FRMD4A: variants seen among roughly 807,000 people sequenced by gnomAD.
FRMD4A encodes the protein FERM domain containing 4A.
A neutral mutation model predicts 129.1 loss-of-function variants in FRMD4A; 29 were observed. The observed-to-expected ratio is 0.22, with a 90% CI of 0.17 to 0.31. The LOEUF (loss-of-function observed/expected upper bound fraction) is 0.31. Among genes scored for constraint, FRMD4A ranks in the 10% least tolerant of loss-of-function variants. The pLI, the probability that FRMD4A is intolerant of heterozygous loss-of-function variation, is 1.00. For synonymous variants in FRMD4A, 634 were observed against 571.6 expected (o/e 1.11, Z -1.56); for missense variants, 1,272 against 1,375.8 (o/e 0.92, Z 1.19).
chr10:13,994,828 C>CA (rs1186134437), intron 2 of FRMD4A, among the ~76,000 whole-genome samples: 11 of 152,218 alleles, frequency 7.2e-5, no homozygotes, highest in African/African-American at 2.4e-4. Context: ...TAGCTGGCCT[C>CA]ACCTGCTGGG....
At chr10:13,657,666 G>A (rs948174650) in intron 21 of FRMD4A, 144 bp from the exon 22 acceptor site, 1 of 1,217,832 alleles carries the variant, frequency 8.2e-7, no homozygotes, top group Non-Finnish European at 1.1e-6. Flanking sequence ...GTCTCACTCA[G>A]CAGGGCTGCC....
intron 24 of FRMD4A, chr10:13,647,506 C>T (rs1264825393): frequency 1.3e-5 from 2 of 150,754 alleles, no homozygotes; most frequent in African/African-American, 2.5e-5. Flanking sequence ...CTCCGTGAGA[C>T]CCCAGGGCTA....
At chr10:14,279,223 C>G (rs1483053321) in intron 2 of FRMD4A, among the ~76,000 whole-genome samples, 2 of 133,296 alleles carry the variant, frequency 1.5e-5, no homozygotes, top group African/African-American at 2.9e-5. Flanking sequence ...GAGTCTTGCT[C>G]TGTCACCCAG....
intron 3 of FRMD4A, among the ~76,000 whole-genome samples, chr10:13,841,717 G>C (rs2093968974): frequency 6.6e-6 from 1 of 152,132 alleles, no homozygotes; most frequent in Non-Finnish European, 1.5e-5. Flanking sequence ...TCCTCATTTG[G>C]TGGGCCCTGG....
At position 14,236,995 on chromosome 10, in the gene FRMD4A, C is replaced by CAAAAAAAAAAA. The variant is rs71477244; in HGVS notation, c.45+93052_45+93062dup. 1.6e-4 allele frequency among the ~76,000 whole-genome samples: 12 copies of CAAAAAAAAAAA among 75,396 alleles called. 1 individual carries two copies. Among genetic ancestry groups the CAAAAAAAAAAA allele is most frequent in the African/African-American group, 5.2e-4 (11 of 21,250 alleles). 49.5% of individuals were successfully genotyped at this position (75,396 alleles called of 152,430 possible). ...CTGAGAAGGAACTCCAACAGGTCAGCAAAAAAAAAAAAAAAAAAAAAAAAA... is the reference window on the plus strand; with the variant it reads ...CTGAGAAGGAACTCCAACAGGTCAGCAAAAAAAAAAAAAAAAAAAAAAAAAAAAAAAAAAAA... On this transcript the variant is annotated intron_variant, in intron 2 of 24. Coordinates refer to ENST00000357447, the MANE Select transcript of FRMD4A (RefSeq NM_018027.5).
chr10:14,180,016 A>G (rs1841859257), intron 2 of FRMD4A, among the ~76,000 whole-genome samples: 1 of 152,256 alleles, frequency 6.6e-6, no homozygotes, highest in Non-Finnish European at 1.5e-5. Flanking sequence ...CCTGGGCTAC[A>G]GAGAGCAAGA....
chr10:14,289,609 G>T (rs974166605), intron 2 of FRMD4A, among the ~76,000 whole-genome samples: 2 of 152,036 alleles, frequency 1.3e-5, no homozygotes, highest in African/African-American at 4.8e-5. Context: ...AAGTATAAAA[G>T]TAATTTACCT....
At chr10:14,126,542 G>C (rs909463255) in intron 2 of FRMD4A, among the ~76,000 whole-genome samples, 11 of 152,108 alleles carry the variant, frequency 7.2e-5, no homozygotes, top group African/African-American at 2.7e-4. Context: ...GCAATACCTT[G>C]GCTACACGAT....
chr10:14,109,643 T>A (rs1015566588), intron 2 of FRMD4A, among the ~76,000 whole-genome samples: 6 of 152,170 alleles, frequency 3.9e-5, no homozygotes, highest in African/African-American at 7.2e-5. Context: ...AACTTCTCAA[T>A]GTAATGCCTA....
intron 2 of FRMD4A, among the ~76,000 whole-genome samples, chr10:14,288,284 A>G (rs559160495): frequency 1.4e-4 from 22 of 152,320 alleles, no homozygotes; most frequent in South Asian, 1.2e-3. Flanking sequence ...GGAAATCTCC[A>G]AAGCCCTCTC....
chr10:13,905,504 CT>C (rs1179393254), intron 2 of FRMD4A, among the ~76,000 whole-genome samples: 2 of 152,130 alleles, frequency 1.3e-5, no homozygotes, highest in Admixed American at 6.5e-5. Flanking sequence ...GAGAATGCCC[CT>C]TGTGCTCTTT....
chr10:13,842,322 G>A (rs2093979813), intron 3 of FRMD4A, among the ~76,000 whole-genome samples: 1 of 152,182 alleles, frequency 6.6e-6, no homozygotes, highest in Admixed American at 6.5e-5. Flanking sequence ...TCAAATAAAT[G>A]AGGAAACAGA....
intron 2 of FRMD4A, among the ~76,000 whole-genome samples, chr10:14,121,835 A>C (rs1838540028): frequency 6.6e-6 from 1 of 152,170 alleles, no homozygotes; most frequent in African/African-American, 2.4e-5. Flanking sequence ...TTTCCCACCT[A>C]CAACTCTGAA....
chr10:14,121,236 C>T (rs563490671), intron 2 of FRMD4A, among the ~76,000 whole-genome samples: 90 of 152,252 alleles, frequency 5.9e-4, no homozygotes, highest in South Asian at 4.1e-3. Flanking sequence ...GGCATGGTGG[C>T]GTGCACCTGT....
At chr10:13,759,512 G>A (rs546126007) in intron 8 of FRMD4A, among the ~76,000 whole-genome samples, 3 of 152,224 alleles carry the variant, frequency 2.0e-5, no homozygotes, top group South Asian at 4.1e-4. Context: ...CAGAGCTGGC[G>A]AAAGAAATGT....
intron 8 of FRMD4A, among the ~76,000 whole-genome samples, chr10:13,751,813 C>G (rs147602692): frequency 6.6e-6 from 1 of 152,034 alleles, no homozygotes; most frequent in Non-Finnish European, 1.5e-5. Flanking sequence ...GAGTTTGAGA[C>G]CAGCCTGGGC....
chr10:13,768,475 G>A (rs371048003), intron 6 of FRMD4A, among the ~76,000 whole-genome samples: 77 of 152,232 alleles, frequency 5.1e-4, no homozygotes, highest in African/African-American at 1.7e-3. Flanking sequence ...AGATAATTCC[G>A]TGAGAAAATG....
At chr10:14,119,172 A>C (rs900148180) in intron 2 of FRMD4A, among the ~76,000 whole-genome samples, 2 of 152,170 alleles carry the variant, frequency 1.3e-5, no homozygotes, top group African/African-American at 4.8e-5. Flanking sequence ...TGATAGACAC[A>C]GCAGAGGGTG....
At chr10:13,803,080 CAG>C (rs1213666311) in intron 4 of FRMD4A, among the ~76,000 whole-genome samples, 2 of 144,544 alleles carry the variant, frequency 1.4e-5, no homozygotes, top group Admixed American at 7.3e-5. Context: ...ACCTGGGAGA[CAG>C]AGTTTGCAGT....
Sources: gnomAD v4.1 joint callset for allele counts (sites outside exome capture counted in the v4.1 genomes callset) on GRCh38, gnomAD v4.1.1 for gene constraint, MANE v1.5 for transcripts, NCBI Gene and HGNC (gene_info 2026-07-23, HGNC 2026-07-21) for gene names.